Variants in POU3F3 observed in about 807,000 individuals in gnomAD.
POU3F3 encodes the protein POU domain, class 3, transcription factor 3.
A neutral mutation model predicts 8.6 loss-of-function variants in POU3F3; 1 was observed. The ratio of observed to expected loss-of-function variants is 0.12; its 90% CI spans 0.04 to 0.55. POU3F3 has a LOEUF of 0.55. POU3F3 is among the 20% of genes least tolerant of loss of function. POU3F3 has a pLI of 0.91. For synonymous variants in POU3F3, 418 were observed against 327.4 expected, an observed-to-expected ratio of 1.28 and a Z score of -2.99; for missense variants, 577 against 690.7, an observed-to-expected ratio of 0.84 and a Z score of 1.84.
the POU3F3 span, among the ~76,000 whole-genome samples, chr2:104,892,349 C>A: frequency 6.6e-6 from 1 of 152,106 alleles, no homozygotes; most frequent in South Asian, 2.1e-4. Flanking sequence ...TCATTAGTGG[C>A]AGAATTAGTG....
downstream of POU3F3, among the ~76,000 whole-genome samples, chr2:104,860,304 A>G (rs1481160162): frequency 6.6e-6 from 1 of 152,188 alleles, no homozygotes; most frequent in East Asian, 1.9e-4. Flanking sequence ...CATTTTTTTT[A>G]ATCAACCCTT....
chr2:104,856,369 C>G lies in POU3F3; in HGVS notation c.859C>G (p.His287Asp). Reference protein sequence around the residue: ...HAHPHPPHPHHAQGPPHHGGG... With the variant: ...HAHPHPPHPHDAQGPPHHGGG... Reference sequence around the variant, plus strand: ...GCATCCTCACCCGCCGCACCCGCACCACGCGCAGGGACCCCCGCACCACGG... The same window carrying G: ...GCATCCTCACCCGCCGCACCCGCACGACGCGCAGGGACCCCCGCACCACGG... The change falls in exon 1 of 1, where the codon CAC (histidine) becomes GAC (aspartate). Residue 287 changes from histidine (H) to aspartate (D), a missense_variant. Transcript: ENST00000361360. The G allele has an allele frequency of 6.5e-7, 1 of 1,539,342 alleles. No individual in the cohort carries two copies. The highest frequency in any genetic ancestry group is 1.2e-5 in the South Asian group (1 of 83,332).
downstream of POU3F3, among the ~76,000 whole-genome samples, chr2:104,860,717 T>C (rs1676645427): frequency 6.6e-6 from 1 of 150,896 alleles, no homozygotes; most frequent in African/African-American, 2.4e-5. Flanking sequence ...ATTCAAGGTG[T>C]ATTGAAAATA....
the POU3F3 span, among the ~76,000 whole-genome samples, chr2:104,903,372 G>A: frequency 6.6e-6 from 1 of 152,168 alleles, no homozygotes; most frequent in African/African-American, 2.4e-5. Flanking sequence ...GGTGCTATAT[G>A]CCTCTATTAT....
At position 104,857,108 on chromosome 2, in the gene POU3F3, C is replaced by CGCCGCCGCT. The variant is rs911782073; in HGVS notation, c.*104_*112dup. 3.1e-6 allele frequency: 3 copies of CGCCGCCGCT among 974,064 alleles called. No homozygotes were observed. Among genetic ancestry groups the CGCCGCCGCT allele is most frequent in the East Asian group, 2.3e-4 (2 of 8,860 alleles). 60.3% of individuals were successfully genotyped at this position (974,064 alleles called of 1,614,324 possible). A position where few individuals can be genotyped will look rare whatever the true frequency, so the allele number is the denominator to read the frequency against. On this transcript the variant is annotated 3_prime_UTR_variant, in exon 1 of 1. Coordinates refer to ENST00000361360, the MANE Select transcript of POU3F3 (RefSeq NM_006236.3). ...CCCCTGCCGCCGCCGCCGCCGCCGC[C>CGCCGCCGCT]GCCGCCGCTGCCGCCGCCGCGCCGA...
chr2:104,884,887 G>A, the POU3F3 span, among the ~76,000 whole-genome samples: 1 of 152,146 alleles, frequency 6.6e-6, no homozygotes, highest in Non-Finnish European at 1.5e-5. Context: ...ATTTCATAAG[G>A]AATGTGGAAG....
At chr2:104,871,938 C>G in the POU3F3 span, among the ~76,000 whole-genome samples, 2 of 152,174 alleles carry the variant, frequency 1.3e-5, no homozygotes, top group South Asian at 4.2e-4. Context: ...CGACGGCCAG[C>G]GAAAGTTTCC....
At position 104,855,973 on chromosome 2, in the gene POU3F3, C is replaced by T. The variant is rs1356874127; in HGVS notation, c.463C>T (p.Arg155Cys). 1.9e-6 allele frequency: 2 copies of T among 1,036,692 alleles called. No individual in the cohort carries two copies. Among genetic ancestry groups the T allele is most frequent in the Admixed American group, 5.5e-5 (1 of 18,188 alleles). The allele number at this position is 1,036,692 out of a possible 1,614,324, so 64.2% of individuals were successfully genotyped here. A position where few individuals can be genotyped will look rare whatever the true frequency, so the allele number is the denominator to read the frequency against. The change falls in exon 1 of 1, where the codon CGC (arginine) becomes TGC (cysteine). Residue 155 changes from arginine to cysteine, a missense_variant. Physicochemically the swap from Arg to Cys is radical, Grantham distance 180. Transcript: ENST00000361360. Reference protein sequence around the residue: ...QGPDVKGGAGRDDLHAGTALH... With the variant: ...QGPDVKGGAGCDDLHAGTALH... ...CCCCGACGTGAAGGGCGGCGCCGGG[C>T]GCGACGACCTGCACGCGGGCACAGC...
At chr2:104,915,071 C>A in the POU3F3 span, among the ~76,000 whole-genome samples, 4 of 152,210 alleles carry the variant, frequency 2.6e-5, no homozygotes, top group Non-Finnish European at 5.9e-5. Flanking sequence ...ACACTTGTGA[C>A]AAGCTGCAGA....
the POU3F3 span, among the ~76,000 whole-genome samples, chr2:104,922,102 C>T: frequency 6.6e-6 from 1 of 152,106 alleles, no homozygotes; most frequent in South Asian, 2.1e-4. Context: ...TAAGTTTATA[C>T]CTCATGCTAA....
Position 104,854,190 on chromosome 2 carries a change from G to C in POU3F3, c.-1321G>C, listed in dbSNP as rs906782841. 6.6e-6 allele frequency among the ~76,000 whole-genome samples: 1 copy of C among 152,146 alleles called. No individual in the cohort carries two copies. Among genetic ancestry groups the C allele is most frequent in the South Asian group, 2.1e-4 (1 of 4,830 alleles). ...TCGGAGCGAGAGCGGGCGCCCGAGA[G>C]AGGGAGAGAGAGAGAGGGAGGGAGA... On this transcript the variant is annotated 5_prime_UTR_variant, in exon 1 of 1. Coordinates refer to ENST00000361360, the MANE Select transcript of POU3F3 (RefSeq NM_006236.3). This position sits in a 1 kb window ranked among gnomAD's most constrained non-coding sequence, Gnocchi z 4.5.
rs1676612506 is a variant in POU3F3, at chr2:104,858,115, A to G, written c.*1102A>G. On this transcript the variant is annotated 3_prime_UTR_variant, in exon 1 of 1. Coordinates refer to ENST00000361360, the MANE Select transcript of POU3F3 (RefSeq NM_006236.3). ...TTTCTGGACTGACTCAGATAAAGGA[A>G]TTTAGAAAGACTGAGCACCAGCCGC... 6.6e-6 allele frequency: 1 copy of G among 152,204 alleles called. No homozygotes were observed. The highest frequency in any genetic ancestry group is 1.5e-5 in the Non-Finnish European group (1 of 68,044). 9.4% of individuals were successfully genotyped at this position (152,204 alleles called of 1,614,324 possible). A position where few individuals can be genotyped will look rare whatever the true frequency, so the allele number is the denominator to read the frequency against.
At chr2:104,902,830 C>T in the POU3F3 span, among the ~76,000 whole-genome samples, 1 of 152,088 alleles carries the variant, frequency 6.6e-6, no homozygotes, top group South Asian at 2.1e-4. Context: ...ATTACAAATT[C>T]TCCACTAAAG....
the POU3F3 span, among the ~76,000 whole-genome samples, chr2:104,910,427 A>G: frequency 3.9e-5 from 6 of 152,238 alleles, no homozygotes; most frequent in East Asian, 5.8e-4. Context: ...CCTCCACTCA[A>G]TGGGCCCTTG....
rs1303053833 is a variant in POU3F3, at chr2:104,855,630, C to CGGG, written c.123_125dup (p.Gly43dup). ...GCGGGGGTGGCGGCGGCGGCGGCGG[C>CGGG]GGGGGCGGCGCAGGGGGCGGGGGCG... is the stretch of plus-strand genomic sequence containing the variant. On this transcript the variant is annotated inframe_insertion, in exon 1 of 1. Transcript: ENST00000361360. 472 of 345,124 alleles carry CGGG rather than the reference C, an allele frequency of 1.4e-3. 2 individuals are homozygous for CGGG. Among genetic ancestry groups the CGGG allele is most frequent in the Middle Eastern group, 4.7e-3 (3 of 636 alleles). 21.4% of individuals were successfully genotyped at this position (345,124 alleles called of 1,614,324 possible).
rs1434559004 is a variant in POU3F3 at position 104,856,866 on chromosome 2, C to G, written c.1356C>G (p.Val452=). Residue 452 remains valine (V), a synonymous_variant, in exon 1 of 1, where the codon GTC becomes GTG. Coordinates refer to ENST00000361360, the MANE Select transcript of POU3F3 (RefSeq NM_006236.3). The stretch of plus-strand genomic sequence containing the variant: ...AGCTCGAGAAGGAGGTGGTGCGGGT[C>G]TGGTTCTGCAATCGGCGCCAAAAGG... ...SLQLEKEVVR[V]WFCNRRQKEK... 14 of 1,613,992 alleles carry G rather than the reference C, an allele frequency of 8.7e-6. No homozygotes were observed. The highest frequency in any genetic ancestry group is 1.2e-5 in the Non-Finnish European group (14 of 1,180,012).
At chr2:104,926,196 A>G in the POU3F3 span, 1 of 152,266 alleles carries the variant, frequency 6.6e-6, no homozygotes, top group African/African-American at 2.4e-5. Flanking sequence ...AATTTTTGCC[A>G]TCTATCTATC....
At chr2:104,864,839 T>G in the POU3F3 span, among the ~76,000 whole-genome samples, 1 of 152,228 alleles carries the variant, frequency 6.6e-6, no homozygotes, top group Non-Finnish European at 1.5e-5. Context: ...TTTTCTTTTT[T>G]ACTCTTCAGA....
At chr2:104,891,835 T>A in the POU3F3 span, among the ~76,000 whole-genome samples, 1 of 152,144 alleles carries the variant, frequency 6.6e-6, no homozygotes, top group Admixed American at 6.5e-5. Context: ...AAATTAAAAA[T>A]CCAGTCAATC....
Sources: allele counts gnomAD v4.1 joint callset (sites outside exome capture counted in the v4.1 genomes callset), GRCh38; gene constraint gnomAD v4.1.1; non-coding constraint Gnocchi (gnomAD v3.1); transcripts MANE v1.5; gene names NCBI Gene and HGNC (gene_info 2026-07-23, HGNC 2026-07-21).